ATP6AP1: variants seen among roughly 807,000 people sequenced by gnomAD.
ATP6AP1 encodes the protein V-type proton ATPase subunit S1.
In ATP6AP1, 1 loss-of-function variant was observed where a neutral mutation model predicts 32.0. The observed-to-expected ratio is 0.03, with a 90% CI of 0.01 to 0.15. ATP6AP1 has a LOEUF of 0.15. Ranked by LOEUF, ATP6AP1 falls within the 10% of genes least tolerant of loss-of-function variation. The pLI is 1.00. For missense variants in ATP6AP1, 297 were observed against 398.8 expected (o/e 0.74, Z 2.17); for synonymous variants, 187 against 174.9 (o/e 1.07, Z -0.55).
chrX:154,428,863 C>G lies in ATP6AP1; in HGVS notation c.161+10C>G, dbSNP rs2068679006. The G allele has an allele frequency of 6.4e-6, 7 of 1,087,542 alleles. No homozygotes were observed. The highest frequency in any genetic ancestry group is 7.1e-6 in the Non-Finnish European group (6 of 844,024). 89.6% of individuals were successfully genotyped at this position (1,087,542 alleles called of 1,213,427 possible). A position where few individuals can be genotyped will look rare whatever the true frequency, so the allele number is the denominator to read the frequency against. ...TGTGGTCGAGTGACCGGTGAGCGGG[C>G]CGGGGTGGGATGCGCTGTGGCGGCT... On this transcript the variant is annotated intron_variant, in intron 1 of 9. Transcript: ENST00000369762.
At chrX:154,435,105 G>T (rs1193204044) in intron 7 of ATP6AP1, 34 bp from the exon 8 acceptor site, 14 of 1,199,186 alleles carry the variant, frequency 1.2e-5, no homozygotes, top group Non-Finnish European at 1.6e-5. Context: ...CCCTCCCAGA[G>T]CCTCACAGTG....
At chrX:154,431,630 C>A in intron 2 of ATP6AP1, 200 bp from the exon 3 acceptor site, 1 of 463,497 alleles carries the variant, frequency 2.2e-6, no homozygotes, top group Non-Finnish European at 3.8e-6. Flanking sequence ...GTCTTCTCAC[C>A]CTGCCCTGAG....
In ATP6AP1 at chrX:154,436,105, T is replaced by C; in HGVS notation, c.*214T>C. The C allele has an allele frequency of 2.3e-6, 1 of 432,740 alleles. No individual in the cohort carries two copies. The highest frequency in any genetic ancestry group is 4.0e-6 in the Non-Finnish European group (1 of 250,132). 35.7% of individuals were successfully genotyped at this position (432,740 alleles called of 1,213,427 possible). On this transcript the variant is annotated 3_prime_UTR_variant, in exon 10 of 10. Transcript: ENST00000369762. ...AGGTGTACATATTCTGCGTAGATGC[T>C]AGACCAACCAGCTTCCCAGGGTTCG...
intron 4 of ATP6AP1, 74 bp downstream of exon 4, chrX:154,432,533 G>T (rs1557197005): frequency 9.2e-7 from 1 of 1,082,510 alleles, no homozygotes; most frequent in Admixed American, 3.3e-5. Flanking sequence ...GGCATGTGGT[G>T]GCACCGTTTG....
chrX:154,436,026 T>G lies in ATP6AP1; in HGVS notation c.*135T>G, dbSNP rs2068717862. Reference sequence around the variant, plus strand: ...GCAAGCTCCCCTCAGCCCATCTTGCTCCCTCTTCAGCCCGCTGAGGAGCTT... The same window carrying G: ...GCAAGCTCCCCTCAGCCCATCTTGCGCCCTCTTCAGCCCGCTGAGGAGCTT... On this transcript the variant is annotated 3_prime_UTR_variant, in exon 10 of 10. Coordinates refer to ENST00000369762, the MANE Select transcript of ATP6AP1 (RefSeq NM_001183.6). 1 of 630,932 alleles carries G rather than the reference T, an allele frequency of 1.6e-6. No homozygotes were observed. The highest frequency in any genetic ancestry group is 5.0e-4 in the Middle Eastern group (1 of 1,995). The allele number at this position is 630,932 out of a possible 1,213,427, so 52.0% of individuals were successfully genotyped here. A position where few individuals can be genotyped will look rare whatever the true frequency, so the allele number is the denominator to read the frequency against.
Position 154,434,334 on chromosome X carries a change from G to T in ATP6AP1, c.811G>T (p.Ala271Ser). Residue 271 changes from alanine (A) to serine (S), a missense_variant, in exon 7 of 10, where the codon GCC (alanine) becomes TCC (serine). Ala to Ser is a moderately conservative substitution (Grantham distance 99, BLOSUM62 1). Transcript: ENST00000369762. ...NDTAPRILFW[A>S]QNFSVAYKDQ... ...CACCGCTCCCCGGATCCTGTTCTGG[G>T]CCCAAAACTTCTCTGTGGCGTACAA... The T allele has an allele frequency of 1.7e-6, 2 of 1,211,877 alleles. No individual in the cohort carries two copies. The highest frequency in any genetic ancestry group is 2.2e-6 in the Non-Finnish European group (2 of 895,487).
chrX:154,434,320 G>A lies in ATP6AP1; in HGVS notation c.797G>A (p.Arg266Gln), dbSNP rs1197607113. ...PPVSYNDTAP[R>Q]ILFWAQNFSV... ...GTGAGTTACAATGACACCGCTCCCC[G>A]GATCCTGTTCTGGGCCCAAAACTTC... is the stretch of plus-strand genomic sequence containing the variant. Residue 266 changes from arginine to glutamine, a missense_variant, in exon 7 of 10, where the codon CGG (arginine) becomes CAG (glutamine). Coordinates refer to ENST00000369762, the MANE Select transcript of ATP6AP1 (RefSeq NM_001183.6). 1.2e-5 allele frequency: 15 copies of A among 1,211,742 alleles called. No individual in the cohort carries two copies. Among genetic ancestry groups the A allele is most frequent in the East Asian group, 5.9e-5 (2 of 33,852 alleles).
chrX:154,436,104 C>A lies in ATP6AP1; in HGVS notation c.*213C>A. 1 of 432,484 alleles carries A rather than the reference C, an allele frequency of 2.3e-6. No individual in the cohort carries two copies. Among genetic ancestry groups the A allele is most frequent in the Non-Finnish European group, 4.0e-6 (1 of 250,050 alleles). The allele number at this position is 432,484 out of a possible 1,213,427, so 35.6% of individuals were successfully genotyped here. ...AAGGTGTACATATTCTGCGTAGATG[C>A]TAGACCAACCAGCTTCCCAGGGTTC... On this transcript the variant is annotated 3_prime_UTR_variant, in exon 10 of 10. Coordinates refer to ENST00000369762, the MANE Select transcript of ATP6AP1 (RefSeq NM_001183.6).
intron 3 of ATP6AP1, 47 bp downstream of exon 3, chrX:154,431,951 CCTT>C (rs782527834): frequency 3.8e-5 from 44 of 1,164,336 alleles, no homozygotes; most frequent in Non-Finnish European, 5.0e-5. Flanking sequence ...ATTCTGTGCT[CCTT>C]CTCCCAGCAT....
intron 7 of ATP6AP1, 113 bp downstream of exon 7, chrX:154,434,559 G>A: frequency 1.3e-6 from 1 of 765,922 alleles, no homozygotes; most frequent in Non-Finnish European, 1.9e-6. Context: ...GGTGGGGATG[G>A]CCATGGTCTG....
intron 2 of ATP6AP1, chrX:154,429,853 C>T (rs2068684322): frequency 8.9e-6 from 1 of 112,211 alleles, no homozygotes. Context: ...TAGCAAGTCT[C>T]TGCTAGGCCC....
rs1317055282 is a variant in ATP6AP1, at chrX:154,434,360, G to A, written c.837G>A (p.Lys279=). Residue 279 remains lysine (K), a synonymous_variant, in exon 7 of 10, where the codon AAG becomes AAA. Coordinates refer to ENST00000369762, the MANE Select transcript of ATP6AP1 (RefSeq NM_001183.6). Reference sequence around the variant, plus strand: ...CCCAAAACTTCTCTGTGGCGTACAAGGACCAGTGGGAGGACCTGACTCCCC... The same window carrying A: ...CCCAAAACTTCTCTGTGGCGTACAAAGACCAGTGGGAGGACCTGACTCCCC... ...FWAQNFSVAY[K]DQWEDLTPLT... is the part of the protein sequence containing the mutation. The A allele has an allele frequency of 5.0e-6, 6 of 1,210,490 alleles. No individual in the cohort carries two copies. Among genetic ancestry groups the A allele is most frequent in the Non-Finnish European group, 6.7e-6 (6 of 895,267 alleles).
At chrX:154,429,289 T>A in intron 2 of ATP6AP1, 115 bp downstream of exon 2, 1 of 958,502 alleles carries the variant, frequency 1.0e-6, no homozygotes, top group Non-Finnish European at 1.4e-6. Context: ...GTCCCAACTG[T>A]AGGGAGGTGT....
chrX:154,432,591 T>A (rs2068699932), intron 4 of ATP6AP1, 132 bp downstream of exon 4: 1 of 930,502 alleles, frequency 1.1e-6, no homozygotes, highest in Non-Finnish European at 1.4e-6. Flanking sequence ...TTCCAGAAGG[T>A]GCCCTGTGTG....
chrX:154,429,236 A>T, intron 2 of ATP6AP1, 62 bp downstream of exon 2: 2 of 1,158,987 alleles, frequency 1.7e-6, no homozygotes, highest in Non-Finnish European at 2.3e-6. Flanking sequence ...CCCTCCCCCC[A>T]TGACACTGAC....
chrX:154,436,280 G>A lies in ATP6AP1; in HGVS notation c.*389G>A, dbSNP rs1001620566. The A allele has an allele frequency of 1.1e-5, 2 of 183,079 alleles. No individual in the cohort carries two copies. Among genetic ancestry groups the A allele is most frequent in the African/African-American group, 3.0e-5 (1 of 33,633 alleles). The allele number at this position is 183,079 out of a possible 1,213,427, so 15.1% of individuals were successfully genotyped here. A position where few individuals can be genotyped will look rare whatever the true frequency, so the allele number is the denominator to read the frequency against. On this transcript the variant is annotated 3_prime_UTR_variant, in exon 10 of 10. Transcript: ENST00000369762. ...AGGGCTCCCTGAGTTTGGGAGTGTG[G>A]AAGTACTACTTAACTGTCTGTCCTG...
chrX:154,433,552 G>C (rs1221299044), intron 5 of ATP6AP1, 83 bp from the exon 6 acceptor site: 1 of 975,132 alleles, frequency 1.0e-6, no homozygotes, highest in African/African-American at 1.9e-5. Flanking sequence ...GGTCTAGAAG[G>C]TTTCTAAAGC....
At chrX:154,431,714 T>A in intron 2 of ATP6AP1, 116 bp from the exon 3 acceptor site, 303 of 591,436 alleles carry the variant, frequency 5.1e-4, no homozygotes, top group East Asian at 6.9e-4. Context: ...ATACTGAACC[T>A]GACTCTCAGT....
intron 4 of ATP6AP1, 25 bp downstream of exon 4, chrX:154,432,484 C>T (rs782075809): frequency 2.6e-6 from 3 of 1,150,225 alleles, no homozygotes; most frequent in Non-Finnish European, 3.5e-6. Context: ...GCCCAGCCAC[C>T]AGCCTCGGGG....
Sources: allele counts gnomAD v4.1 joint callset, GRCh38; gene constraint gnomAD v4.1.1; transcripts MANE v1.5; gene names NCBI Gene and HGNC (gene_info 2026-07-23, HGNC 2026-07-21).